Variants in RASGEF1B observed in about 807,000 individuals in gnomAD.
The protein encoded by RASGEF1B is RasGEF domain family member 1B, also known as ras-GEF domain-containing family member 1B.
In RASGEF1B, 30 loss-of-function variants were observed where a neutral mutation model predicts 65.7. The ratio of observed to expected loss-of-function variants is 0.46; its 90% CI spans 0.34 to 0.62. The LOEUF is 0.62. Among genes scored for constraint, RASGEF1B ranks in the 20% least tolerant of loss-of-function variants. The probability of loss-of-function intolerance (pLI) is 0.01; values close to 1 mark genes in which losing one functional copy is unlikely to be tolerated. For missense variants in RASGEF1B, 495 were observed against 580.1 expected, an observed-to-expected ratio of 0.85 and a Z score of 1.51; for synonymous variants, 175 against 194.8, an observed-to-expected ratio of 0.90 and a Z score of 0.85.
chr4:81,455,393 G>GC (rs1274851263), intron 4 of RASGEF1B: 1 of 152,176 alleles, frequency 6.6e-6, no homozygotes, highest in Non-Finnish European at 1.5e-5. Context: ...AGCCATGATC[G>GC]CAACTCTACA....
At chr4:81,432,089 T>C (rs1721450229) in intron 13 of RASGEF1B, among the ~76,000 whole-genome samples, 1 of 152,190 alleles carries the variant, frequency 6.6e-6, no homozygotes, top group South Asian at 2.1e-4. Context: ...GAACAGTCAC[T>C]GTATATCTGC....
At position 81,434,001 on chromosome 4, in the gene RASGEF1B, T is replaced by TA. The variant is rs111822559; in HGVS notation, c.1201-39dup. On this transcript the variant is annotated intron_variant, in intron 11 of 13. Transcript: ENST00000264400. ...TAAAAAAAGAATATAAAGGTGATCA[T>TA]AAAAAAATAATTATGAGTTTGGGAG... The TA allele has an allele frequency of 7.4e-3, 11,539 of 1,564,100 alleles. 675 individuals carry two copies. In the African/African-American group the frequency reaches 0.13, roughly 18 times the overall value.
rs1300417505 is a variant in RASGEF1B, at chr4:81,426,642, G to C, written c.*1126C>G. The stretch of plus-strand genomic sequence containing the variant: ...TGCAGAGCGACTACAGACTTACTTA[G>C]ATGTTTAACAAGGTGAACGATTTCA... On this transcript the variant is annotated 3_prime_UTR_variant, in exon 14 of 14. Transcript: ENST00000264400. 1 of 152,128 alleles carries C rather than the reference G, an allele frequency of 6.6e-6. No individual in the cohort carries two copies. The highest frequency in any genetic ancestry group is 1.5e-5 in the Non-Finnish European group (1 of 68,022). 9.4% of individuals were successfully genotyped at this position (152,128 alleles called of 1,614,324 possible).
chr4:81,448,111 G>A lies in RASGEF1B; in HGVS notation c.612C>T (p.Asn204=), dbSNP rs751793169. ...GCTGCTGGGCCAACGTGTAAGGGTC[G>A]TTGCAGACAGTAATGATATCCCTTT... is the stretch of plus-strand genomic sequence containing the variant. The part of the protein sequence containing the change: ...SIQRDIITVC[N]DPYTLAQQLT... The change falls in exon 5 of 14, where the codon AAC becomes AAT. Residue 204 remains asparagine (N), a synonymous_variant. Coordinates refer to ENST00000264400, the MANE Select transcript of RASGEF1B (RefSeq NM_152545.3). 40 of 1,614,058 alleles carry A rather than the reference G, an allele frequency of 2.5e-5. No individual in the cohort carries two copies. The highest frequency in any genetic ancestry group is 6.7e-5 in the African/African-American group (5 of 74,920).
chr4:81,434,035 C>T, intron 11 of RASGEF1B, 72 bp from the exon 12 acceptor site: 1 of 1,294,542 alleles, frequency 7.7e-7, no homozygotes, highest in South Asian at 1.3e-5. Context: ...AGAGGCAATA[C>T]CATTTGAAAT....
At chr4:81,461,208 G>A (rs925580263) in intron 1 of RASGEF1B, among the ~76,000 whole-genome samples, 2 of 152,188 alleles carry the variant, frequency 1.3e-5, no homozygotes, top group Admixed American at 6.5e-5. Flanking sequence ...CATCCTTGGC[G>A]GCAAGAATAA....
At chr4:81,447,658 G>A in intron 5 of RASGEF1B, 80 bp from the exon 6 acceptor site, 1 of 974,798 alleles carries the variant, frequency 1.0e-6, no homozygotes, top group Admixed American at 1.9e-5. Context: ...ATGACTATTG[G>A]CACCACCCCC....
At chr4:81,446,032 A>G (rs1722011176) in intron 6 of RASGEF1B, among the ~76,000 whole-genome samples, 194 bp from the exon 7 acceptor site, 1 of 152,232 alleles carries the variant, frequency 6.6e-6, no homozygotes, top group African/African-American at 2.4e-5. Flanking sequence ...CCTTTAGGAT[A>G]GTCCAGTGAA....
chr4:81,457,413 G>T, intron 3 of RASGEF1B, 86 bp downstream of exon 3: 2 of 1,382,082 alleles, frequency 1.4e-6, no homozygotes, highest in South Asian at 1.3e-5. Context: ...CTGGGGATAA[G>T]CCAGGGTTAC....
intron 1 of RASGEF1B, among the ~76,000 whole-genome samples, chr4:81,467,069 C>T (rs1288202905): frequency 6.6e-6 from 1 of 151,864 alleles, no homozygotes; most frequent in Non-Finnish European, 1.5e-5. Context: ...AGATAAGTAC[C>T]TTCTTTGAAA....
intron 10 of RASGEF1B, among the ~76,000 whole-genome samples, chr4:81,439,148 T>C (rs1303133460): frequency 2.0e-5 from 3 of 152,196 alleles, no homozygotes; most frequent in African/African-American, 7.2e-5. Flanking sequence ...TCTAGATCCT[T>C]GACGAATTGC....
chr4:81,449,244 A>C (rs1722162284), intron 4 of RASGEF1B, among the ~76,000 whole-genome samples: 1 of 152,192 alleles, frequency 6.6e-6, no homozygotes, highest in Admixed American at 6.5e-5. Context: ...AATGTTCACG[A>C]CCAAACTCTT....
intron 13 of RASGEF1B, among the ~76,000 whole-genome samples, chr4:81,430,715 T>C (rs1443621944): frequency 6.6e-6 from 1 of 152,222 alleles, no homozygotes; most frequent in African/African-American, 2.4e-5. Context: ...ATGTGAACAG[T>C]ACAGACGTGG....
intron 1 of RASGEF1B, among the ~76,000 whole-genome samples, chr4:81,465,995 A>G (rs1722790711): frequency 6.6e-6 from 1 of 152,220 alleles, no homozygotes. Flanking sequence ...TAATAAATCC[A>G]ATGCCTTGAT....
intron 8 of RASGEF1B, among the ~76,000 whole-genome samples, chr4:81,443,173 A>G (rs1721903706): frequency 6.6e-6 from 1 of 152,254 alleles, no homozygotes; most frequent in Admixed American, 6.5e-5. Flanking sequence ...AAAATATTAC[A>G]GTGGCTGTTG....
intron 1 of RASGEF1B, among the ~76,000 whole-genome samples, chr4:81,469,623 A>T (rs1457400590): frequency 1.3e-5 from 2 of 149,702 alleles, no homozygotes; most frequent in African/African-American, 5.0e-5. Flanking sequence ...ATATAAATAC[A>T]TATGTATATA....
At chr4:81,465,920 G>GA (rs546717431) in intron 1 of RASGEF1B, among the ~76,000 whole-genome samples, 2 of 151,572 alleles carry the variant, frequency 1.3e-5, no homozygotes, top group Non-Finnish European at 2.9e-5. Context: ...AAGAGTCAGA[G>GA]AAAAAAAAGG....
intron 13 of RASGEF1B, among the ~76,000 whole-genome samples, chr4:81,429,922 C>T (rs1327570771): frequency 2.6e-5 from 4 of 152,220 alleles, no homozygotes; most frequent in Admixed American, 2.6e-4. Context: ...GTTTGGCAGG[C>T]GCAGTCGGAG....
chr4:81,459,265 C>T (rs1722556097), intron 2 of RASGEF1B, 67 bp downstream of exon 2: 2 of 1,195,658 alleles, frequency 1.7e-6, no homozygotes, highest in Non-Finnish European at 2.3e-6. Flanking sequence ...ATCTATGGTC[C>T]CTGCCTACTG....
Sources: gnomAD v4.1 joint callset for allele counts (sites outside exome capture counted in the v4.1 genomes callset) on GRCh38, gnomAD v4.1.1 for gene constraint, MANE v1.5 for transcripts, NCBI Gene and HGNC (gene_info 2026-07-23, HGNC 2026-07-21) for gene names.